ZBTB10: variants seen among roughly 807,000 people sequenced by gnomAD.
ZBTB10 encodes the protein zinc finger and BTB domain-containing protein 10.
In ZBTB10, 32 loss-of-function variants were observed where a neutral mutation model predicts 76.4. The observed-to-expected ratio is 0.42, with a 90% CI of 0.32 to 0.56. The LOEUF is 0.56. Among genes scored for constraint, ZBTB10 ranks in the 20% least tolerant of loss-of-function variants. The probability of loss-of-function intolerance (pLI) is 0.14; values close to 1 mark genes in which losing one functional copy is unlikely to be tolerated. For synonymous variants in ZBTB10, 523 were observed against 432.9 expected (o/e 1.21, Z -2.58); for missense variants, 1,057 against 1,098.5 (o/e 0.96, Z 0.53).
chr8:80,486,790 G>A lies in ZBTB10; in HGVS notation c.-21G>A. 2.2e-6 allele frequency: 3 copies of A among 1,394,844 alleles called. No individual in the cohort carries two copies. Among genetic ancestry groups the A allele is most frequent in the Non-Finnish European group, 1.9e-6 (2 of 1,079,348 alleles). The allele number at this position is 1,394,844 out of a possible 1,614,324, so 86.4% of individuals were successfully genotyped here. A position where few individuals can be genotyped will look rare whatever the true frequency, so the allele number is the denominator to read the frequency against. On this transcript the variant is annotated 5_prime_UTR_variant, in exon 1 of 6. Transcript: ENST00000455036. The stretch of plus-strand genomic sequence containing the variant: ...CGTGCGCGAGCCGGGGCACCGGGCG[G>A]CGGCGGCGGCGGCGCGCGCCATGTC...
intron 2 of ZBTB10, among the ~76,000 whole-genome samples, chr8:80,511,881 A>G (rs1246819004): frequency 6.6e-6 from 1 of 152,200 alleles, no homozygotes; most frequent in Non-Finnish European, 1.5e-5. Context: ...TGCTGGGATT[A>G]CAGGCTTGAA....
chr8:80,523,533 C>T lies in ZBTB10; in HGVS notation c.*4005C>T, dbSNP rs1585868001. On this transcript the variant is annotated 3_prime_UTR_variant, in exon 6 of 6. Transcript: ENST00000455036. ...CCAGTTTTTGTGCCGTTCAGTCACC[C>T]AGATCCTTAAACTTAACTATGGTAC... 1 of 151,810 alleles carries T rather than the reference C, an allele frequency of 6.6e-6. No individual in the cohort carries two copies. Among genetic ancestry groups the T allele is most frequent in the African/African-American group, 2.4e-5 (1 of 41,372 alleles). The allele number at this position is 151,810 out of a possible 1,614,324, so 9.4% of individuals were successfully genotyped here.
At chr8:80,510,459 C>T (rs890705310) in intron 2 of ZBTB10, among the ~76,000 whole-genome samples, 1 of 152,164 alleles carries the variant, frequency 6.6e-6, no homozygotes, top group Non-Finnish European at 1.5e-5. Context: ...ATTTTACTGC[C>T]GGATGCATAC....
At chr8:80,489,955 G>A (rs1019951973) in intron 1 of ZBTB10, among the ~76,000 whole-genome samples, 3 of 152,066 alleles carry the variant, frequency 2.0e-5, no homozygotes, top group Non-Finnish European at 4.4e-5. Flanking sequence ...AACCCCCCAG[G>A]TACCACCTAT....
intron 1 of ZBTB10, among the ~76,000 whole-genome samples, chr8:80,495,225 A>C (rs1815752023): frequency 6.6e-6 from 1 of 151,698 alleles, no homozygotes; most frequent in Admixed American, 6.6e-5. Context: ...TCGCCTTCCA[A>C]AGTGCTGAGA....
intron 2 of ZBTB10, among the ~76,000 whole-genome samples, chr8:80,511,847 C>T (rs1468645854): frequency 6.6e-6 from 1 of 152,122 alleles, no homozygotes; most frequent in East Asian, 1.9e-4. Flanking sequence ...CAGCATTTAA[C>T]TCTAATACAT....
intron 1 of ZBTB10, among the ~76,000 whole-genome samples, chr8:80,493,993 C>G (rs975219993): frequency 6.6e-6 from 1 of 152,310 alleles, no homozygotes; most frequent in African/African-American, 2.4e-5. Context: ...GTCTTTTTCT[C>G]TACCAACTGT....
chr8:80,525,328 TAC>T lies in ZBTB10; in HGVS notation c.*5802_*5803del, dbSNP rs1156324299. 3 of 152,140 alleles carry T rather than the reference TAC, an allele frequency of 2.0e-5. No individual in the cohort carries two copies. The highest frequency in any genetic ancestry group is 6.6e-5 in the Admixed American group (1 of 15,242). 9.4% of individuals were successfully genotyped at this position (152,140 alleles called of 1,614,324 possible). ...GCTAATTAAAGTGAATGAAAAATATTACAGATTCCATAACTGCATGGCGCCTT... is the reference window on the plus strand; with the variant it reads ...GCTAATTAAAGTGAATGAAAAATATTAGATTCCATAACTGCATGGCGCCTT... On this transcript the variant is annotated 3_prime_UTR_variant, in exon 6 of 6. Coordinates refer to ENST00000455036, the MANE Select transcript of ZBTB10 (RefSeq NM_001105539.3).
rs1317499361 is a variant in ZBTB10, at chr8:80,498,710, A to G, written c.973-784A>G. Among the ~76,000 whole-genome samples the G allele has an allele frequency of 5.9e-5, 9 of 152,256 alleles. No homozygotes were observed. In the East Asian group the frequency reaches 1.5e-3, roughly 26 times the overall value. On this transcript the variant is annotated intron_variant, in intron 1 of 5. Transcript: ENST00000455036. ...CAGACAGCATTCTGAATTCTGGATC[A>G]TACTTTTATTCTTACGATTATATCA...
At chr8:80,496,713 C>T (rs1469812158) in intron 1 of ZBTB10, among the ~76,000 whole-genome samples, 5 of 152,176 alleles carry the variant, frequency 3.3e-5, no homozygotes, top group African/African-American at 9.7e-5. Context: ...ATGACTGCTA[C>T]AGTAGGCATA....
chr8:80,503,968 A>G (rs1057099145), intron 2 of ZBTB10, among the ~76,000 whole-genome samples: 1 of 152,138 alleles, frequency 6.6e-6, no homozygotes, highest in Non-Finnish European at 1.5e-5. Flanking sequence ...TACTCTTTCC[A>G]GGCAAGTTCT....
chr8:80,500,869 GTTC>G (rs1212074105), intron 2 of ZBTB10, among the ~76,000 whole-genome samples: 4 of 152,082 alleles, frequency 2.6e-5, no homozygotes, highest in African/African-American at 4.8e-5. Flanking sequence ...TAGGGCTACT[GTTC>G]TTCTGTTATT....
Position 80,486,321 on chromosome 8 carries a change from G to C in ZBTB10, c.-490G>C, listed in dbSNP as rs1815447112. 1.0e-6 allele frequency: 1 copy of C among 998,798 alleles called. No homozygotes were observed. Among genetic ancestry groups the C allele is most frequent in the Non-Finnish European group, 1.2e-6 (1 of 839,554 alleles). 61.9% of individuals were successfully genotyped at this position (998,798 alleles called of 1,614,324 possible). On this transcript the variant is annotated 5_prime_UTR_variant, in exon 1 of 6. Transcript: ENST00000455036. ...ATGTGGCGGAGCCGAGCAGTTTAGC[G>C]TGCCTCTCACCCTCAGCGCCTGCGA...
rs1481815371 is a variant in ZBTB10 at position 80,525,839 on chromosome 8, A to G, written c.*6311A>G. The stretch of plus-strand genomic sequence containing the variant: ...ACAAAAGGCACTAGCAACTTTAAGG[A>G]TTTTGCCTATTAGTATCATATGGCA... On this transcript the variant is annotated 3_prime_UTR_variant, in exon 6 of 6. Transcript: ENST00000455036. 1.3e-5 allele frequency: 2 copies of G among 152,126 alleles called. No individual in the cohort carries two copies. The highest frequency in any genetic ancestry group is 4.8e-5 in the African/African-American group (2 of 41,442). The allele number at this position is 152,126 out of a possible 1,614,324, so 9.4% of individuals were successfully genotyped here. A position where few individuals can be genotyped will look rare whatever the true frequency, so the allele number is the denominator to read the frequency against.
At position 80,524,705 on chromosome 8, in the gene ZBTB10, G is replaced by A. The variant is rs1816516157; in HGVS notation, c.*5177G>A. On this transcript the variant is annotated 3_prime_UTR_variant, in exon 6 of 6. Coordinates refer to ENST00000455036, the MANE Select transcript of ZBTB10 (RefSeq NM_001105539.3). ...CCTAGTATCTTTAAACATGTAAAGA[G>A]CTATCATGAGGCAGAAGAATTAAGA... 1 of 152,014 alleles carries A rather than the reference G, an allele frequency of 6.6e-6. No individual in the cohort carries two copies. Among genetic ancestry groups the A allele is most frequent in the South Asian group, 2.1e-4 (1 of 4,830 alleles). 9.4% of individuals were successfully genotyped at this position (152,014 alleles called of 1,614,324 possible).
Position 80,519,769 on chromosome 8 carries a change from C to T in ZBTB10, c.*241C>T, listed in dbSNP as rs1816413086. Reference sequence around the variant, plus strand: ...AGTCCCCACATACTCAGTCAGTTATCAAAGTAAAATATTTTTTATTTATAG... The same window carrying T: ...AGTCCCCACATACTCAGTCAGTTATTAAAGTAAAATATTTTTTATTTATAG... On this transcript the variant is annotated 3_prime_UTR_variant, in exon 6 of 6. Coordinates refer to ENST00000455036, the MANE Select transcript of ZBTB10 (RefSeq NM_001105539.3). 5.2e-6 allele frequency: 2 copies of T among 384,490 alleles called. No homozygotes were observed. The highest frequency in any genetic ancestry group is 9.4e-6 in the Non-Finnish European group (2 of 213,762). 23.8% of individuals were successfully genotyped at this position (384,490 alleles called of 1,614,324 possible). A position where few individuals can be genotyped will look rare whatever the true frequency, so the allele number is the denominator to read the frequency against.
At chr8:80,498,456 A>C (rs28436235) in intron 1 of ZBTB10, among the ~76,000 whole-genome samples, 1 of 152,168 alleles carries the variant, frequency 6.6e-6, no homozygotes, top group African/African-American at 2.4e-5. Context: ...GGTCTAAGCA[A>C]TTTTTCTCTT....
In ZBTB10 at chr8:80,500,657, C is replaced by G. The variant is rs557200321; in HGVS notation, c.1861+275C>G. On this transcript the variant is annotated intron_variant, in intron 2 of 5. Transcript: ENST00000455036. ...CGTGGACTCTGCTGCATGTACGGGTCTTTGACTTTCCTCATTTTTAGCCTC... is the reference window on the plus strand; with the variant it reads ...CGTGGACTCTGCTGCATGTACGGGTGTTTGACTTTCCTCATTTTTAGCCTC... 1.8e-4 allele frequency among the ~76,000 whole-genome samples: 28 copies of G among 152,246 alleles called. No individual in the cohort carries two copies. In the South Asian group the frequency reaches 5.4e-3, roughly 29 times the overall value.
chr8:80,496,958 C>T (rs1386898621), intron 1 of ZBTB10, among the ~76,000 whole-genome samples: 1 of 152,134 alleles, frequency 6.6e-6, no homozygotes, highest in Non-Finnish European at 1.5e-5. Flanking sequence ...GCTTGTGTAA[C>T]AAAGCTTTTA....
Sources: gnomAD v4.1 joint callset for allele counts (sites outside exome capture counted in the v4.1 genomes callset) on GRCh38, gnomAD v4.1.1 for gene constraint, MANE v1.5 for transcripts, NCBI Gene and HGNC (gene_info 2026-07-23, HGNC 2026-07-21) for gene names.